HNRNPDL: variants seen among roughly 807,000 people sequenced by gnomAD.
HNRNPDL encodes the protein heterogeneous nuclear ribonucleoprotein D-like.
In HNRNPDL, 18 loss-of-function variants were observed where a neutral mutation model predicts 48.0. That is an observed-to-expected ratio of 0.38 (90% confidence interval 0.26 to 0.56). HNRNPDL has a LOEUF of 0.56. HNRNPDL is among the 20% of genes least tolerant of loss of function. The pLI is 0.77. For missense variants in HNRNPDL, 553 were observed against 540.7 expected (o/e 1.02, Z -0.23); for synonymous variants, 306 against 207.3 (o/e 1.48, Z -4.09).
Position 82,423,757 on chromosome 4 carries a change from A to C in HNRNPDL, c.*1149T>G, listed in dbSNP as rs886147057. ...AACGGATTCTTTTCAATGCACCCAGAGGGTCCACTGTAATGACTCAGTCAC... is the reference window on the plus strand; with the variant it reads ...AACGGATTCTTTTCAATGCACCCAGCGGGTCCACTGTAATGACTCAGTCAC... On this transcript the variant is annotated 3_prime_UTR_variant, in exon 8 of 8. Transcript: ENST00000295470. The C allele has an allele frequency of 6.6e-6, 1 of 152,234 alleles. No homozygotes were observed. Among genetic ancestry groups the C allele is most frequent in the Non-Finnish European group, 1.5e-5 (1 of 68,042 alleles). The allele number at this position is 152,234 out of a possible 1,614,324, so 9.4% of individuals were successfully genotyped here. A position where few individuals can be genotyped will look rare whatever the true frequency, so the allele number is the denominator to read the frequency against.
At chr4:82,426,363 CTT>C (rs1721407161) in intron 6 of HNRNPDL, 98 bp downstream of exon 6, 1 of 1,120,202 alleles carries the variant, frequency 8.9e-7, no homozygotes, top group African/African-American at 1.6e-5. Flanking sequence ...ACTCCGAACA[CTT>C]TAATGGAAAG....
At chr4:82,428,888 T>C (rs1721539731) in intron 1 of HNRNPDL, among the ~76,000 whole-genome samples, 1 of 152,186 alleles carries the variant, frequency 6.6e-6, no homozygotes, top group South Asian at 2.1e-4. Context: ...TCTAAAACTC[T>C]TCCCAGGAAA....
At chr4:82,426,994 A>G (rs191930136) in intron 5 of HNRNPDL, among the ~76,000 whole-genome samples, 196 bp downstream of exon 5, 8 of 152,320 alleles carry the variant, frequency 5.3e-5, no homozygotes, top group African/African-American at 1.9e-4. Context: ...CAAAGTGGCC[A>G]CACTTTTAAC....
intron 3 of HNRNPDL, 22 bp from the exon 4 acceptor site, chr4:82,427,586 A>C: frequency 6.2e-7 from 1 of 1,603,136 alleles, no homozygotes; most frequent in Non-Finnish European, 8.5e-7. Context: ...ATGCACACTC[A>C]ACGTCATCCC....
intron 6 of HNRNPDL, 61 bp downstream of exon 6, chr4:82,426,402 T>C (rs990956930): frequency 1.7e-5 from 25 of 1,436,346 alleles, no homozygotes; most frequent in Admixed American, 1.4e-4. Context: ...CAGAACAGGA[T>C]TGTATGTTAA....
chr4:82,426,214 T>C (rs1721400181), intron 6 of HNRNPDL, 85 bp from the exon 7 acceptor site: 4 of 1,213,634 alleles, frequency 3.3e-6, no homozygotes, highest in Admixed American at 1.7e-5. Context: ...CTACAAATCT[T>C]TGCATGCTAA....
At position 82,423,282 on chromosome 4, in the gene HNRNPDL, T is replaced by C. The variant is rs1721264527; in HGVS notation, c.*1624A>G. The C allele has an allele frequency of 6.6e-6, 1 of 152,312 alleles. No individual in the cohort carries two copies. Among genetic ancestry groups the C allele is most frequent in the Middle Eastern group, 3.4e-3 (1 of 294 alleles). 9.4% of individuals were successfully genotyped at this position (152,312 alleles called of 1,614,324 possible). On this transcript the variant is annotated 3_prime_UTR_variant, in exon 8 of 8. Transcript: ENST00000295470. ...TCAATGTCAACTCGTCACCTAATCA[T>C]AAATTTGAACTTACAGGATTCACTA...
rs1721394818 is a variant in HNRNPDL, at chr4:82,426,087, T to C, written c.1235A>G (p.Asn412Ser). ...TYGKASRGGG[N>S]HQNNYQPY ...GTATGGCTGGTAATTGTTTTGGTGA[T>C]TGCCACCCCCTCGAGATGCCTTGCC... is the stretch of plus-strand genomic sequence containing the variant. The change falls in exon 7 of 8, where the codon AAT becomes AGT. Residue 412 changes from asparagine to serine, a missense_variant. By Grantham distance (46) the Asn-to-Ser change is conservative. Coordinates refer to ENST00000295470, the MANE Select transcript of HNRNPDL (RefSeq NM_031372.4). The C allele has an allele frequency of 1.2e-6, 2 of 1,613,970 alleles. No homozygotes were observed. The highest frequency in any genetic ancestry group is 1.7e-4 in the Middle Eastern group (1 of 5,992).
chr4:82,426,359 A>C (rs1721407010), intron 6 of HNRNPDL, 104 bp downstream of exon 6: 1 of 1,080,824 alleles, frequency 9.3e-7, no homozygotes, highest in Non-Finnish European at 1.4e-6. Flanking sequence ...CTTAACTCCG[A>C]ACACTTTAAT....
chr4:82,428,041 C>T lies in HNRNPDL; in HGVS notation c.751G>A (p.Glu251Lys). The change falls in exon 3 of 8, where the codon GAA (glutamate) becomes AAA (lysine). Residue 251 changes from glutamate to lysine, a missense_variant. Physicochemically the swap from Glu to Lys is moderately conservative, Grantham distance 56. Transcript: ENST00000295470. ...SPDTSEEQIK[E>K]YFGAFGEIEN... is the part of the protein sequence containing the mutation. ...ACCTCTCCAAAGGCTCCAAAATATT[C>T]TTTAATTTGTTCTTCAGAAGTATCC... is the stretch of plus-strand genomic sequence containing the variant. The T allele has an allele frequency of 1.2e-6, 2 of 1,614,064 alleles. No individual in the cohort carries two copies. The highest frequency in any genetic ancestry group is 1.7e-6 in the Non-Finnish European group (2 of 1,179,986).
intron 6 of HNRNPDL, 61 bp from the exon 7 acceptor site, chr4:82,426,190 A>G: frequency 1.1e-5 from 15 of 1,377,736 alleles, no homozygotes; most frequent in Non-Finnish European, 1.6e-5. Context: ...CTTTACAAAC[A>G]CAAACTATTA....
intron 3 of HNRNPDL, among the ~76,000 whole-genome samples, 158 bp from the exon 4 acceptor site, chr4:82,427,722 T>A (rs1402398414): frequency 6.6e-6 from 1 of 152,212 alleles, no homozygotes; most frequent in Non-Finnish European, 1.5e-5. Flanking sequence ...CAGCCTACAG[T>A]GATTTGTTGT....
chr4:82,429,563 GGGAGGAGCGGGGCTAGCTGCCGCGGC>G lies in HNRNPDL; in HGVS notation c.102_127del (p.Pro35PhefsTer48). On this transcript the variant is annotated frameshift_variant, in exon 1 of 8. Transcript: ENST00000295470. LOFTEE classifies it high-confidence loss of function. Reference sequence around the variant, plus strand: ...CCGGGCGGAGCTGGGAGCGAGCGAAGGGAGGAGCGGGGCTAGCTGCCGCGGCGGCCGCGGCCGCCAATGGGAGAGGC... The same window carrying G: ...CCGGGCGGAGCTGGGAGCGAGCGAAGGGCCGCGGCCGCCAATGGGAGAGGC... 1 of 1,428,414 alleles carries G rather than the reference GGGAGGAGCGGGGCTAGCTGCCGCGGC, an allele frequency of 7.0e-7. No individual in the cohort carries two copies. The highest frequency in any genetic ancestry group is 9.1e-7 in the Non-Finnish European group (1 of 1,096,238). 88.5% of individuals were successfully genotyped at this position (1,428,414 alleles called of 1,614,324 possible).
chr4:82,429,729 G>A lies in HNRNPDL; in HGVS notation c.-39C>T, dbSNP rs1018881189. 20 of 1,312,118 alleles carry A rather than the reference G, an allele frequency of 1.5e-5. No homozygotes were observed. Among genetic ancestry groups the A allele is most frequent in the Middle Eastern group, 2.7e-4 (1 of 3,678 alleles). 81.3% of individuals were successfully genotyped at this position (1,312,118 alleles called of 1,614,324 possible). A position where few individuals can be genotyped will look rare whatever the true frequency, so the allele number is the denominator to read the frequency against. ...GCAAGGAGAGAGGCCACGCGTGAGGGGACGCGGGCTTGGGAGAAGAGAAGA... is the reference window on the plus strand; with the variant it reads ...GCAAGGAGAGAGGCCACGCGTGAGGAGACGCGGGCTTGGGAGAAGAGAAGA... On this transcript the variant is annotated 5_prime_UTR_variant, in exon 1 of 8. Transcript: ENST00000295470.
In HNRNPDL at chr4:82,423,429, TAAG is replaced by T. The variant is rs912089233; in HGVS notation, c.*1474_*1476del. The T allele has an allele frequency of 6.6e-5, 10 of 152,106 alleles. No homozygotes were observed. Among genetic ancestry groups the T allele is most frequent in the South Asian group, 2.1e-4 (1 of 4,822 alleles). 9.4% of individuals were successfully genotyped at this position (152,106 alleles called of 1,614,324 possible). On this transcript the variant is annotated 3_prime_UTR_variant, in exon 8 of 8. Coordinates refer to ENST00000295470, the MANE Select transcript of HNRNPDL (RefSeq NM_031372.4). Reference sequence around the variant, plus strand: ...CCAACATTGGTACTTGGCCTAAGTTTAAGAATAGCAAAACAGCAGCAAAAAAGA... The same window carrying T: ...CCAACATTGGTACTTGGCCTAAGTTTAATAGCAAAACAGCAGCAAAAAAGA...
chr4:82,426,182 T>C (rs1409919389), intron 6 of HNRNPDL, 53 bp from the exon 7 acceptor site: 1 of 1,439,546 alleles, frequency 6.9e-7, no homozygotes, highest in African/African-American at 1.4e-5. Context: ...AAAACTTTCT[T>C]TACAAACACA....
intron 5 of HNRNPDL, among the ~76,000 whole-genome samples, chr4:82,426,844 A>G (rs149415220): frequency 6.6e-6 from 1 of 152,318 alleles, no homozygotes; most frequent in African/African-American, 2.4e-5. Flanking sequence ...AACTTAATGG[A>G]AAATCATTCA....
rs961696042 is a variant in HNRNPDL at position 82,429,380 on chromosome 4, G to A, written c.311C>T (p.Ala104Val). The change falls in exon 1 of 8, where the codon GCG becomes GTG. Residue 104 changes from alanine (A) to valine (V), a missense_variant. Ala to Val is a moderately conservative substitution (Grantham distance 64). Coordinates refer to ENST00000295470, the MANE Select transcript of HNRNPDL (RefSeq NM_031372.4). ...GGGGTGCTGGCGCGCAGTCCGGGTCGCGGCAGCAGCGGCGGCGGAGCGTTG... is the reference window on the plus strand; with the variant it reads ...GGGGTGCTGGCGCGCAGTCCGGGTCACGGCAGCAGCGGCGGCGGAGCGTTG... ...SIQRSAAAAAATRTARQHPPA... is the reference protein window; with the variant it reads ...SIQRSAAAAAVTRTARQHPPA... The A allele has an allele frequency of 1.2e-6, 2 of 1,613,534 alleles. No individual in the cohort carries two copies. Among genetic ancestry groups the A allele is most frequent in the Non-Finnish European group, 1.7e-6 (2 of 1,179,828 alleles).
chr4:82,429,668 G>A lies in HNRNPDL; in HGVS notation c.23C>T (p.Ser8Phe), dbSNP rs758895645. ...GGGGAACAATGGCGGCGGCACATGG[G>A]AAAGCCTGGGCGGGACCTCCATCGC... is the stretch of plus-strand genomic sequence containing the variant. Reference protein sequence around the residue: MEVPPRLSHVPPPLFPSA... With the variant: MEVPPRLFHVPPPLFPSA... The change falls in exon 1 of 8, where the codon TCC becomes TTC. Residue 8 changes from serine (S) to phenylalanine (F), a missense_variant. By Grantham distance (155) the Ser-to-Phe change is radical. Transcript: ENST00000295470. 2 of 1,364,726 alleles carry A rather than the reference G, an allele frequency of 1.5e-6. No homozygotes were observed. Among genetic ancestry groups the A allele is most frequent in the South Asian group, 1.8e-5 (1 of 55,266 alleles). The allele number at this position is 1,364,726 out of a possible 1,614,324, so 84.5% of individuals were successfully genotyped here.
Sources: gnomAD v4.1 joint callset for allele counts (sites outside exome capture counted in the v4.1 genomes callset) on GRCh38, gnomAD v4.1.1 for gene constraint, MANE v1.5 for transcripts, NCBI Gene and HGNC (gene_info 2026-07-23, HGNC 2026-07-21) for gene names.